Variants in MYH2 observed in about 807,000 individuals in gnomAD.
MYH2 encodes the protein myosin-2.
In MYH2, 139 loss-of-function variants were observed where a neutral mutation model predicts 228.1. The observed-to-expected ratio is 0.61, with a 90% CI of 0.53 to 0.70. The LOEUF is 0.70. Among genes scored for constraint, MYH2 ranks in the 30% least tolerant of loss-of-function variants. The pLI, the probability that MYH2 is intolerant of heterozygous loss-of-function variation, is 0.00. For synonymous variants in MYH2, 796 were observed against 871.1 expected, an observed-to-expected ratio of 0.91 and a Z score of 1.52; for missense variants, 1,809 against 2,357.5, an observed-to-expected ratio of 0.77 and a Z score of 4.82.
Position 10,525,970 on chromosome 17 carries a change from T to C in MYH2, c.4188-94A>G. On this transcript the variant is annotated intron_variant, in intron 30 of 39. Coordinates refer to ENST00000245503, the MANE Select transcript of MYH2 (RefSeq NM_017534.6). The surrounding 1 kb of genome is among the most constrained non-coding windows in gnomAD (Gnocchi z 4.2). ...GCTGAAGAGTGTTAGAAACTTCACA[T>C]TAATGCTGCCCAGCCACCTTTCATT... is the stretch of plus-strand genomic sequence containing the variant. 2 of 1,357,926 alleles carry C rather than the reference T, an allele frequency of 1.5e-6. 1 individual carries two copies. The highest frequency in any genetic ancestry group is 2.5e-5 in the South Asian group (2 of 79,480). The allele number at this position is 1,357,926 out of a possible 1,614,324, so 84.1% of individuals were successfully genotyped here.
At chr17:10,535,591 G>A (rs996727418) in intron 17 of MYH2, among the ~76,000 whole-genome samples, 1 of 152,188 alleles carries the variant, frequency 6.6e-6, no homozygotes, top group African/African-American at 2.4e-5. Flanking sequence ...AAAGCATCCT[G>A]GCATGTGCTT....
intron 5 of MYH2, among the ~76,000 whole-genome samples, 167 bp downstream of exon 5, chr17:10,545,179 A>G (rs1220277327): frequency 6.6e-6 from 1 of 152,212 alleles, no homozygotes; most frequent in Non-Finnish European, 1.5e-5. Flanking sequence ...AATATTACGC[A>G]TTACAAATCA....
Position 10,547,732 on chromosome 17 carries a change from C to T in MYH2, c.189G>A (p.Lys63=), listed in dbSNP as rs1356570845. ...TTCTACTCACCGCTCCTCCCTCAGTCTTCACCGTCACTTTTCCTCCTTCTC... is the reference window on the plus strand; with the variant it reads ...TTCTACTCACCGCTCCTCCCTCAGTTTTCACCGTCACTTTTCCTCCTTCTC... ...QSREGGKVTV[K]TEGGATLTVK... is the part of the protein sequence containing the mutation. The change falls in exon 3 of 40, where the codon AAG becomes AAA. Residue 63 remains lysine (K), a synonymous_variant. Transcript: ENST00000245503. The T allele has an allele frequency of 6.2e-7, 1 of 1,614,110 alleles. No individual in the cohort carries two copies. The highest frequency in any genetic ancestry group is 1.7e-5 in the Admixed American group (1 of 60,012).
chr17:10,539,381 A>G (rs1275380823), intron 13 of MYH2, 27 bp from the exon 14 acceptor site: 4 of 1,614,138 alleles, frequency 2.5e-6, no homozygotes. Context: ...ATAACTCTCG[A>G]AGTTATTAAA....
rs746531953 is a variant in MYH2, at chr17:10,523,787, T to G, written c.5273A>C (p.Glu1758Ala). 1 of 1,614,260 alleles carries G rather than the reference T, an allele frequency of 6.2e-7. No homozygotes were observed. The highest frequency in any genetic ancestry group is 1.1e-5 in the South Asian group (1 of 91,088). The stretch of plus-strand genomic sequence containing the variant: ...AGTGATGGCCTTCTTGGCCTTTTCT[T>G]CTGCATTGCGGGCTTCCTGGAGAAT... ...EDILQEARNA[E>A]EKAKKAITDA... The change falls in exon 36 of 40, where the codon GAA becomes GCA. Residue 1758 changes from glutamate to alanine, a missense_variant. By Grantham distance (107) the Glu-to-Ala change is moderately radical. This residue lies in a region of MYH2 where 278 missense variants were observed against 308.5 expected (regional missense o/e 0.90). Transcript: ENST00000245503.
chr17:10,539,541 A>G lies in MYH2; in HGVS notation c.1169T>C (p.Leu390Pro). The change falls in exon 13 of 40, where the codon CTC (leucine) becomes CCC (proline). Residue 390 changes from leucine to proline, a missense_variant. Physicochemically the swap from Leu to Pro is moderately conservative, Grantham distance 98. Coordinates refer to ENST00000245503, the MANE Select transcript of MYH2 (RefSeq NM_017534.6). ...GTEVADKAAY[L>P]QSLNSADLLK... Reference sequence around the variant, plus strand: ...CAGATCTGCAGAGTTCAGACTCTGGAGGTAGGCCGCCTTGTCAGCAACTAA... The same window carrying G: ...CAGATCTGCAGAGTTCAGACTCTGGGGGTAGGCCGCCTTGTCAGCAACTAA... 6.2e-7 allele frequency: 1 copy of G among 1,614,146 alleles called. No individual in the cohort carries two copies. The highest frequency in any genetic ancestry group is 1.3e-5 in the African/African-American group (1 of 75,024).
At position 10,544,034 on chromosome 17, in the gene MYH2, A is replaced by C; in HGVS notation, c.534-18T>G. 1 of 1,614,100 alleles carries C rather than the reference A, an allele frequency of 6.2e-7. No homozygotes were observed. Among genetic ancestry groups the C allele is most frequent in the Non-Finnish European group, 8.5e-7 (1 of 1,179,994 alleles). The stretch of plus-strand genomic sequence containing the variant: ...ATTCTCCACTGTCAAATCAAAACTC[A>C]ATCAGATGTGGTCTCAAACCTAGCA... On this transcript the variant is annotated intron_variant, in intron 6 of 39. Coordinates refer to ENST00000245503, the MANE Select transcript of MYH2 (RefSeq NM_017534.6).
intron 17 of MYH2, 121 bp from the exon 18 acceptor site, chr17:10,535,486 T>A: frequency 3.6e-6 from 3 of 824,586 alleles, no homozygotes; most frequent in Admixed American, 2.0e-5. Context: ...TGCATTCATA[T>A]AAGGCAACAC....
Position 10,535,573 on chromosome 17 carries a change from G to C in MYH2, c.1975-208C>G, listed in dbSNP as rs118100389. Reference sequence around the variant, plus strand: ...CTTGAGTTTCCGAGAGTTACACACAGAACAAGGAAAGCATCCTGGCATGTG... The same window carrying C: ...CTTGAGTTTCCGAGAGTTACACACACAACAAGGAAAGCATCCTGGCATGTG... On this transcript the variant is annotated intron_variant, in intron 17 of 39. Transcript: ENST00000245503. 1.0e-3 allele frequency among the ~76,000 whole-genome samples: 153 copies of C among 152,268 alleles called. 1 individual carries two copies. In the East Asian group the frequency reaches 0.016, roughly 16 times the overall value.
In MYH2 at chr17:10,523,183, C is replaced by T. The variant is rs761795343; in HGVS notation, c.5580G>A (p.Thr1860=). 52 of 1,612,628 alleles carry T rather than the reference C, an allele frequency of 3.2e-5. No homozygotes were observed. Among genetic ancestry groups the T allele is most frequent in the South Asian group, 7.7e-5 (7 of 91,054 alleles). ...ERRVKELTYQ[T]EEDRKNILRL... Reference sequence around the variant, plus strand: ...TGAGAATATTCTTTCTATCTTCTTCCGTCTGAAAGATTATAAAAAGTCCAG... The same window carrying T: ...TGAGAATATTCTTTCTATCTTCTTCTGTCTGAAAGATTATAAAAAGTCCAG... The change falls in exon 39 of 40, where the codon ACG becomes ACA. Residue 1860 remains threonine, a splice_region_variant and synonymous_variant. Transcript: ENST00000245503.
In MYH2 at chr17:10,528,625, T is replaced by C. The variant is rs1005397841; in HGVS notation, c.3744+65A>G. ...ATGACTTAATGTGTAAAAAGTGCCC[T>C]GTGCAAACTATGATGTGTCCATAAT... On this transcript the variant is annotated intron_variant, in intron 27 of 39. Coordinates refer to ENST00000245503, the MANE Select transcript of MYH2 (RefSeq NM_017534.6). 3 of 1,611,578 alleles carry C rather than the reference T, an allele frequency of 1.9e-6. No individual in the cohort carries two copies. In the Admixed American group the frequency reaches 5.0e-5, roughly 27 times the overall value.
At chr17:10,539,093 TA>T in intron 14 of MYH2, 111 bp downstream of exon 14, 2 of 1,591,840 alleles carry the variant, frequency 1.3e-6, no homozygotes, top group East Asian at 4.5e-5. Context: ...TTTTAAGGCT[TA>T]AAATAATTTC....
rs1049022189 is a variant in MYH2, at chr17:10,525,471, C to T, written c.4517G>A (p.Arg1506Gln). The T allele has an allele frequency of 1.7e-5, 28 of 1,614,038 alleles. No individual in the cohort carries two copies. Among genetic ancestry groups the T allele is most frequent in the Non-Finnish European group, 2.3e-5 (27 of 1,180,038 alleles). The change falls in exon 32 of 40, where the codon CGA becomes CAA. Residue 1506 changes from arginine to glutamine, a missense_variant. Physicochemically the swap from Arg to Gln is conservative, Grantham distance 43. Transcript: ENST00000245503. This position sits in a 1 kb window ranked among gnomAD's most constrained non-coding sequence, Gnocchi z 4.2. ...ESLDQLETLKRENKNLQQEIS... is the reference protein window; with the variant it reads ...ESLDQLETLKQENKNLQQEIS... ...CTTACGCTGTAAGTTTTTGTTCTCTCGCTTCAGGGTTTCTAGCTGATCCAA... is the reference window on the plus strand; with the variant it reads ...CTTACGCTGTAAGTTTTTGTTCTCTTGCTTCAGGGTTTCTAGCTGATCCAA...
chr17:10,544,431 C>T (rs2073599217), intron 5 of MYH2, among the ~76,000 whole-genome samples: 1 of 152,194 alleles, frequency 6.6e-6, no homozygotes, highest in Non-Finnish European at 1.5e-5. Context: ...GACCACGTGG[C>T]TGTGTATTCC....
chr17:10,527,565 A>G (rs947825456), intron 28 of MYH2, among the ~76,000 whole-genome samples, 183 bp downstream of exon 28: 1 of 152,244 alleles, frequency 6.6e-6, no homozygotes, highest in Non-Finnish European at 1.5e-5. Context: ...ATTTTGTCCT[A>G]TTGAAACCTT....
intron 10 of MYH2, among the ~76,000 whole-genome samples, chr17:10,541,320 CT>C (rs2142315706): frequency 6.6e-6 from 1 of 152,184 alleles, no homozygotes; most frequent in Non-Finnish European, 1.5e-5. Context: ...GTATGCGTTC[CT>C]AGGGGGAGGT....
chr17:10,533,451 G>A, intron 20 of MYH2, 30 bp from the exon 21 acceptor site: 1 of 1,614,106 alleles, frequency 6.2e-7, no homozygotes, highest in Non-Finnish European at 8.5e-7. Flanking sequence ...CAAATCACAA[G>A]CTTTAATAAA....
In MYH2 at chr17:10,527,851, C is replaced by T; in HGVS notation, c.3768G>A (p.Arg1256=). 6.2e-7 allele frequency: 1 copy of T among 1,613,700 alleles called. No individual in the cohort carries two copies. The highest frequency in any genetic ancestry group is 1.7e-4 in the Middle Eastern group (1 of 5,970). Residue 1256 remains arginine, a synonymous_variant, in exon 28 of 40, where the codon CGG becomes CGA. Coordinates refer to ENST00000245503, the MANE Select transcript of MYH2 (RefSeq NM_017534.6). ...KAKGNLEKMC[R]TLEDQLSELK... is the part of the protein sequence containing the mutation. Reference sequence around the variant, plus strand: ...GTTCACTCAGTTGGTCCTCTAGAGTCCGGCACATTTTCTCTAGGTTTCCCT... The same window carrying T: ...GTTCACTCAGTTGGTCCTCTAGAGTTCGGCACATTTTCTCTAGGTTTCCCT...
rs1479658312 is a variant in MYH2, at chr17:10,545,371, G to C, written c.480C>G (p.Asp160Glu). The change falls in exon 5 of 40, where the codon GAC (aspartate) becomes GAG (glutamate). Residue 160 changes from aspartate to glutamate, a missense_variant. Around this residue, in one of 9 missense-constraint regions of MYH2, gnomAD observed 373 missense variants for 620.4 expected, o/e 0.60. Coordinates refer to ENST00000245503, the MANE Select transcript of MYH2 (RefSeq NM_017534.6). ...EAPPHIFSIS[D>E]NAYQFMLTDR... ...CAGTCAGCATGAACTGATAGGCGTT[G>C]TCAGAGATGGAGAAGATGTGGGGCG... 1 of 1,613,894 alleles carries C rather than the reference G, an allele frequency of 6.2e-7. No homozygotes were observed. Among genetic ancestry groups the C allele is most frequent in the South Asian group, 1.1e-5 (1 of 91,058 alleles).
Sources: allele counts gnomAD v4.1 joint callset (sites outside exome capture counted in the v4.1 genomes callset), GRCh38; gene constraint gnomAD v4.1.1; regional missense constraint gnomAD v4.1.1; non-coding constraint Gnocchi (gnomAD v3.1); transcripts MANE v1.5; gene names NCBI Gene and HGNC (gene_info 2026-07-23, HGNC 2026-07-21).